The following DNTT variants were observed in gnomAD, a reference collection of about 807,000 sequenced individuals.
DNTT encodes DNA nucleotidylexotransferase, also known as nucleosidetriphosphate:DNA deoxynucleotidylexotransferase.
Under a neutral mutation model 60.9 loss-of-function variants are expected in DNTT, and 47 were observed. That is an observed-to-expected ratio of 0.77 (90% CI 0.61 to 0.98). The LOEUF (loss-of-function observed/expected upper bound fraction) is 0.98, where lower values mean the gene tolerates loss of function less well. Ranked by LOEUF, DNTT falls within the 50% of genes least tolerant of loss-of-function variation. The probability of loss-of-function intolerance (pLI) is 0.00; values close to 1 mark genes in which losing one functional copy is unlikely to be tolerated. For missense variants in DNTT, 665 were observed against 627.5 expected (o/e 1.06, Z -0.64); for synonymous variants, 224 against 221.2 (o/e 1.01, Z -0.11).
intron 8 of DNTT, among the ~76,000 whole-genome samples, chr10:96,329,449 C>G (rs1258368927): frequency 5.9e-5 from 9 of 152,240 alleles, no homozygotes; most frequent in Admixed American, 5.9e-4. Flanking sequence ...CTGTCCAACT[C>G]TAGTGAGAGC....
intron 8 of DNTT, among the ~76,000 whole-genome samples, chr10:96,330,133 T>C (rs1468120899): frequency 6.6e-6 from 1 of 152,200 alleles, no homozygotes; most frequent in Non-Finnish European, 1.5e-5. Context: ...TCAGGGGTTG[T>C]GTGCATGTTT....
chr10:96,311,518 C>A (rs1423559870), intron 1 of DNTT, among the ~76,000 whole-genome samples: 1 of 152,232 alleles, frequency 6.6e-6, no homozygotes, highest in Non-Finnish European at 1.5e-5. Context: ...AAATGCAGAA[C>A]TGAAGTCTGT....
rs1844914888 is a variant in DNTT, at chr10:96,324,325, T to C, written c.810T>C (p.Gly270=). ...LKTSEKWFRM[G]FRTLSKVRSD... is the part of the protein sequence containing the mutation. ...CTTCTGAGAAGTGGTTCAGGATGGG[T>C]TTCAGAACTCTGAGTAAAGTAAGGT... Residue 270 remains glycine, a synonymous_variant, in exon 6 of 11, where the codon GGT becomes GGC. Transcript: ENST00000371174. 2 of 1,613,692 alleles carry C rather than the reference T, an allele frequency of 1.2e-6. No individual in the cohort carries two copies. Among genetic ancestry groups the C allele is most frequent in the Non-Finnish European group, 1.7e-6 (2 of 1,179,644 alleles).
chr10:96,328,042 T>C (rs1452374756), intron 7 of DNTT, among the ~76,000 whole-genome samples: 1 of 152,172 alleles, frequency 6.6e-6, no homozygotes, highest in African/African-American at 2.4e-5. Context: ...CCACTAAGTT[T>C]GTAGAGCTTA....
intron 10 of DNTT, 24 bp downstream of exon 10, chr10:96,335,998 G>C: frequency 6.2e-7 from 1 of 1,612,542 alleles, no homozygotes; most frequent in Non-Finnish European, 8.5e-7. Context: ...CCTAAAAGGG[G>C]CTACTTTGAT....
intron 6 of DNTT, among the ~76,000 whole-genome samples, chr10:96,325,679 G>T (rs1844931830): frequency 6.6e-6 from 1 of 152,180 alleles, no homozygotes; most frequent in Non-Finnish European, 1.5e-5. Flanking sequence ...AATGCTACCA[G>T]TTCTATGCAG....
chr10:96,335,946 A>G lies in DNTT; in HGVS notation c.1415A>G (p.Asp472Gly). The G allele has an allele frequency of 6.2e-7, 1 of 1,614,220 alleles. No individual in the cohort carries two copies. Among genetic ancestry groups the G allele is most frequent in the Non-Finnish European group, 8.5e-7 (1 of 1,180,026 alleles). Residue 472 changes from aspartate to glycine, a missense_variant, in exon 10 of 11, where the codon GAT (aspartate) becomes GGT (glycine). Asp to Gly is a moderately conservative substitution (Grantham distance 94, BLOSUM62 -1). Coordinates refer to ENST00000371174, the MANE Select transcript of DNTT (RefSeq NM_004088.4). The part of the protein sequence containing the change: ...YATHERKMIL[D>G]NHALYDKTKR... The stretch of plus-strand genomic sequence containing the variant: ...ACACATGAGCGGAAGATGATTCTGG[A>G]TAACCATGCTTTATATGACAAGACC...
intron 1 of DNTT, 90 bp downstream of exon 1, chr10:96,304,790 T>C: frequency 7.1e-7 from 1 of 1,414,692 alleles, no homozygotes; most frequent in Non-Finnish European, 9.5e-7. Context: ...TTCTTCCACA[T>C]GTGGAAGAGG....
In DNTT at chr10:96,328,743, T is replaced by TG; in HGVS notation, c.1027dup (p.Asp343GlyfsTer15). The TG allele has an allele frequency of 6.2e-7, 1 of 1,613,688 alleles. No individual in the cohort carries two copies. On this transcript the variant is annotated frameshift_variant, in exon 8 of 11. Transcript: ENST00000371174. LOFTEE classifies it high-confidence loss of function. ...AAATTAGGGGTAAGAAGATGGGGCA[T>TG]GATGTAGATTTTTTAATTACCAGCC... is the stretch of plus-strand genomic sequence containing the variant.
intron 10 of DNTT, 87 bp downstream of exon 10, chr10:96,336,061 C>T: frequency 7.7e-7 from 1 of 1,294,264 alleles, no homozygotes; most frequent in Non-Finnish European, 1.1e-6. Context: ...ATTTTAGTAT[C>T]CAGGTATGGT....
intron 1 of DNTT, among the ~76,000 whole-genome samples, chr10:96,305,327 T>C (rs1034247635): frequency 6.6e-6 from 1 of 152,192 alleles, no homozygotes; most frequent in Non-Finnish European, 1.5e-5. Flanking sequence ...TGAGATGTAA[T>C]CAGAGCCCAG....
chr10:96,319,566 G>A (rs1332273647), intron 3 of DNTT, among the ~76,000 whole-genome samples, 176 bp downstream of exon 3: 1 of 152,060 alleles, frequency 6.6e-6, no homozygotes, highest in East Asian at 1.9e-4. Flanking sequence ...TCGAGACTGG[G>A]TCTCCTTCCT....
At chr10:96,326,101 G>A (rs1307436993) in intron 6 of DNTT, among the ~76,000 whole-genome samples, 1 of 151,628 alleles carries the variant, frequency 6.6e-6, no homozygotes, top group African/African-American at 2.4e-5. Flanking sequence ...CCTGATAGCT[G>A]CACATCTTCT....
At chr10:96,314,431 G>A (rs79434911) in intron 1 of DNTT, among the ~76,000 whole-genome samples, 1 of 10,078 alleles carries the variant, frequency 9.9e-5, no homozygotes, top group Non-Finnish European at 3.9e-4. Context: ...TTTTTTTTTT[G>A]AGATGGAGTT....
intron 6 of DNTT, among the ~76,000 whole-genome samples, chr10:96,326,013 C>A (rs1844935164): frequency 6.6e-6 from 1 of 152,214 alleles, no homozygotes; most frequent in Non-Finnish European, 1.5e-5. Context: ...AGTTAGTCGC[C>A]TTGCCATACC....
chr10:96,326,222 T>C (rs1028997892), intron 6 of DNTT, among the ~76,000 whole-genome samples: 16 of 152,210 alleles, frequency 1.1e-4, no homozygotes, highest in African/African-American at 3.9e-4. Context: ...ATGATGACAG[T>C]TTCTGTATTA....
intron 1 of DNTT, among the ~76,000 whole-genome samples, chr10:96,317,165 CTT>C (rs1298411740): frequency 6.6e-6 from 1 of 152,158 alleles, no homozygotes; most frequent in Non-Finnish European, 1.5e-5. Flanking sequence ...AATGTGAAGA[CTT>C]ATTAAAAACT....
At chr10:96,326,580 TC>T (rs1844941383) in intron 6 of DNTT, among the ~76,000 whole-genome samples, 1 of 152,216 alleles carries the variant, frequency 6.6e-6, no homozygotes. Flanking sequence ...TTTACTCTTG[TC>T]ATTTCAGAGG....
rs769845607 is a variant in DNTT at position 96,304,506 on chromosome 10, A to C, written c.9A>C (p.Pro3=). The stretch of plus-strand genomic sequence containing the variant: ...AGCAGCAGCCTCTTCCCATGGATCC[A>C]CCACGAGCGTCCCACTTGAGCCCTC... MD[P]PRASHLSPRK... is the part of the protein sequence containing the mutation. The change falls in exon 1 of 11, where the codon CCA becomes CCC. Residue 3 remains proline (P), a synonymous_variant. Coordinates refer to ENST00000371174, the MANE Select transcript of DNTT (RefSeq NM_004088.4). 9 of 1,613,642 alleles carry C rather than the reference A, an allele frequency of 5.6e-6. No homozygotes were observed. Among genetic ancestry groups the C allele is most frequent in the Non-Finnish European group, 7.6e-6 (9 of 1,179,982 alleles).
Sources: gnomAD v4.1 joint callset for allele counts (sites outside exome capture counted in the v4.1 genomes callset) on GRCh38, gnomAD v4.1.1 for gene constraint, MANE v1.5 for transcripts, NCBI Gene and HGNC (gene_info 2026-07-23, HGNC 2026-07-21) for gene names.